The following RAB3GAP1 variants were observed in gnomAD, a reference collection of about 807,000 sequenced individuals.
The protein encoded by RAB3GAP1 is RAB3 GTPase activating protein catalytic subunit 1, also known as rab3 GTPase-activating protein catalytic subunit.
A neutral mutation model predicts 130.7 loss-of-function variants in RAB3GAP1; 86 were observed. That is an observed-to-expected ratio of 0.66 (90% CI 0.55 to 0.79). The LOEUF is 0.79. Among genes scored for constraint, RAB3GAP1 ranks in the 30% least tolerant of loss-of-function variants. RAB3GAP1 has a pLI of 0.00. For missense variants in RAB3GAP1, 1,029 were observed against 1,169.4 expected (o/e 0.88, Z 1.75); for synonymous variants, 367 against 401.7 (o/e 0.91, Z 1.03).
intron 14 of RAB3GAP1, among the ~76,000 whole-genome samples, chr2:135,133,605 C>T (rs2104948009): frequency 6.6e-6 from 1 of 152,190 alleles, no homozygotes; most frequent in East Asian, 1.9e-4. Flanking sequence ...CCTAAATATT[C>T]CACAGAAGAA....
Position 135,168,610 on chromosome 2 carries a change from G to T in RAB3GAP1, c.2775G>T (p.Gln925His), listed in dbSNP as rs760936243. 4 of 1,614,076 alleles carry T rather than the reference G, an allele frequency of 2.5e-6. No individual in the cohort carries two copies. In the Admixed American group the frequency reaches 6.7e-5, roughly 27 times the overall value. Residue 925 changes from glutamine (Q) to histidine (H), a missense_variant, in exon 24 of 24, where the codon CAG (glutamine) becomes CAT (histidine). By Grantham distance (24) the Gln-to-His change is conservative (BLOSUM62 0). Around this residue, in one of 3 missense-constraint regions of RAB3GAP1, gnomAD observed 146 missense variants for 143.7 expected, o/e 1.02. Transcript: ENST00000264158. The stretch of plus-strand genomic sequence containing the variant: ...TGGGCTCCCCAGAGGAAAGAAGGCA[G>T]AACTCCGTGTCAGACTTCCCACCCC... ...KRMGSPEERR[Q>H]NSVSDFPPPA... is the part of the protein sequence containing the mutation.
chr2:135,079,911 C>T (rs192873185), intron 3 of RAB3GAP1, among the ~76,000 whole-genome samples: 1,535 of 152,140 alleles, frequency 0.01, 22 homozygotes, highest in African/African-American at 0.035. Flanking sequence ...GGGCGGATCA[C>T]GAGGTCAGGA....
chr2:135,092,431 TA>T (rs1328291549), intron 4 of RAB3GAP1, among the ~76,000 whole-genome samples: 6 of 152,122 alleles, frequency 3.9e-5, no homozygotes, highest in Non-Finnish European at 4.4e-5. Flanking sequence ...GAAGGTGAAT[TA>T]TTTTTTTGTT....
chr2:135,095,586 AT>A (rs1309268068), intron 5 of RAB3GAP1, among the ~76,000 whole-genome samples: 3 of 152,230 alleles, frequency 2.0e-5, no homozygotes, highest in African/African-American at 7.2e-5. Context: ...AATGTGATAC[AT>A]TAATGTAAGA....
intron 9 of RAB3GAP1, among the ~76,000 whole-genome samples, chr2:135,125,560 G>A (rs1691324068): frequency 6.6e-6 from 1 of 152,156 alleles, no homozygotes; most frequent in Non-Finnish European, 1.5e-5. Context: ...TGAAAGTTAT[G>A]TGAATGTGAT....
chr2:135,065,091 T>C (rs567079266), intron 3 of RAB3GAP1, among the ~76,000 whole-genome samples: 1 of 152,290 alleles, frequency 6.6e-6, no homozygotes, highest in South Asian at 2.1e-4. Flanking sequence ...TGGGACAGTT[T>C]ATATATAAAT....
intron 17 of RAB3GAP1, among the ~76,000 whole-genome samples, chr2:135,147,268 C>A (rs1692026622): frequency 6.6e-6 from 1 of 151,730 alleles, no homozygotes; most frequent in African/African-American, 2.4e-5. Context: ...ATTGCTTGAA[C>A]CCAGGAGGTG....
intron 23 of RAB3GAP1, among the ~76,000 whole-genome samples, chr2:135,166,300 C>T (rs1259900125): frequency 6.6e-6 from 1 of 152,056 alleles, no homozygotes; most frequent in African/African-American, 2.4e-5. Context: ...CCTCCTTACC[C>T]CCTCTACTGA....
Position 135,135,856 on chromosome 2 carries a change from C to T in RAB3GAP1, c.1847C>T (p.Pro616Leu), listed in dbSNP as rs1378551160. ...CCTAAGGAGATGGCAAATTTAAGGC[C>T]GGAAGGACGGCTCTATCAGCATGGG... ...GGPKEMANLR[P>L]EGRLYQHGKL... Residue 616 changes from proline to leucine, a missense_variant, in exon 17 of 24, where the codon CCG becomes CTG. Physicochemically the swap from Pro to Leu is moderately conservative, Grantham distance 98 (BLOSUM62 -3). Coordinates refer to ENST00000264158, the MANE Select transcript of RAB3GAP1 (RefSeq NM_012233.3). The T allele has an allele frequency of 3.7e-6, 6 of 1,614,042 alleles. No individual in the cohort carries two copies. The highest frequency in any genetic ancestry group is 1.6e-4 in the Middle Eastern group (1 of 6,062).
At chr2:135,160,565 T>A (rs1692437516) in intron 19 of RAB3GAP1, among the ~76,000 whole-genome samples, 1 of 150,394 alleles carries the variant, frequency 6.6e-6, no homozygotes, top group Non-Finnish European at 1.5e-5. Context: ...TCTTAGCTAC[T>A]CAGGAGGCTG....
chr2:135,174,376 C>T (rs1692946189), downstream of RAB3GAP1, among the ~76,000 whole-genome samples: 2 of 152,222 alleles, frequency 1.3e-5, no homozygotes, highest in South Asian at 2.1e-4. Flanking sequence ...TCAGCATGTG[C>T]CCCAAAATGG....
intron 5 of RAB3GAP1, among the ~76,000 whole-genome samples, chr2:135,112,840 A>T (rs984560733): frequency 1.4e-3 from 188 of 138,782 alleles, no homozygotes; most frequent in African/African-American, 5.0e-3. Context: ...TCTCTCACAC[A>T]CACACACACA....
chr2:135,148,668 CTTTT>C (rs60407802), intron 17 of RAB3GAP1, among the ~76,000 whole-genome samples: 10 of 113,116 alleles, frequency 8.8e-5, no homozygotes, highest in South Asian at 2.9e-4. Context: ...ATTTTTGTAT[CTTTT>C]TTTTTTTTTT....
chr2:135,130,592 G>A lies in RAB3GAP1; in HGVS notation c.1107G>A (p.Glu369=), dbSNP rs766257959. The A allele has an allele frequency of 1.9e-6, 3 of 1,613,602 alleles. No individual in the cohort carries two copies. The East Asian group carries it at 6.7e-5, about 36-fold the overall frequency. ...DITHALSKLT[E]PASVPIHKLS... ...CTCATGCTTTGTCAAAATTGACAGAGCCGGCATCAGTTCCAATTCATAAAT... is the reference window on the plus strand; with the variant it reads ...CTCATGCTTTGTCAAAATTGACAGAACCGGCATCAGTTCCAATTCATAAAT... Residue 369 remains glutamate (E), a synonymous_variant, in exon 13 of 24, where the codon GAG becomes GAA. Transcript: ENST00000264158.
intron 5 of RAB3GAP1, among the ~76,000 whole-genome samples, chr2:135,102,434 G>A (rs1237204181): frequency 6.6e-6 from 1 of 152,108 alleles, no homozygotes; most frequent in African/African-American, 2.4e-5. Flanking sequence ...GTTTTTTTAA[G>A]TCACCAAATT....
chr2:135,163,680 A>G (rs1692538631), intron 22 of RAB3GAP1, among the ~76,000 whole-genome samples: 1 of 152,134 alleles, frequency 6.6e-6, no homozygotes, highest in African/African-American at 2.4e-5. Flanking sequence ...GGCCCTGTTC[A>G]TTTTTTGCCC....
Position 135,115,380 on chromosome 2 carries a change from T to A in RAB3GAP1, c.647T>A (p.Ile216Asn). ...CTGCTGGATATCTTCAAATCAAAGATTGTGAGTTGGGATTGATATTGTCAG... is the reference window on the plus strand; with the variant it reads ...CTGCTGGATATCTTCAAATCAAAGAATGTGAGTTGGGATTGATATTGTCAG... ...SGLLDIFKSK[I>N]GCPLTPLPPV... Residue 216 changes from isoleucine to asparagine, a missense_variant and splice_region_variant, in exon 7 of 24, where the codon ATT (isoleucine) becomes AAT (asparagine). Ile to Asn is a moderately radical substitution (Grantham distance 149, BLOSUM62 -3). Around this residue, in one of 3 missense-constraint regions of RAB3GAP1, gnomAD observed 510 missense variants for 532.1 expected, o/e 0.96. Transcript: ENST00000264158. 1.9e-6 allele frequency: 3 copies of A among 1,608,730 alleles called. No homozygotes were observed. Among genetic ancestry groups the A allele is most frequent in the Non-Finnish European group, 2.6e-6 (3 of 1,175,462 alleles).
intron 5 of RAB3GAP1, among the ~76,000 whole-genome samples, chr2:135,111,689 G>C (rs1244248365): frequency 6.6e-6 from 1 of 152,142 alleles, no homozygotes; most frequent in Non-Finnish European, 1.5e-5. Context: ...TTCAATACTT[G>C]CCTCTTTTAT....
At chr2:135,133,334 T>G (rs1472752767) in intron 14 of RAB3GAP1, among the ~76,000 whole-genome samples, 1 of 152,150 alleles carries the variant, frequency 6.6e-6, no homozygotes, top group Non-Finnish European at 1.5e-5. Flanking sequence ...TGAAGTAAAA[T>G]GTGTAAAATT....
Sources: allele counts gnomAD v4.1 joint callset (sites outside exome capture counted in the v4.1 genomes callset), GRCh38; gene constraint gnomAD v4.1.1; regional missense constraint gnomAD v4.1.1; transcripts MANE v1.5; gene names NCBI Gene and HGNC (gene_info 2026-07-23, HGNC 2026-07-21).